Variants in DCC observed in about 807,000 individuals in gnomAD.
DCC encodes the protein netrin receptor DCC.
A neutral mutation model predicts 172.5 loss-of-function variants in DCC; 58 were observed. The observed-to-expected ratio is 0.34, with a 90% CI of 0.27 to 0.42. DCC has a LOEUF of 0.42. DCC is among the 10% of genes least tolerant of loss of function. The pLI is 1.00. For synonymous variants in DCC, 709 were observed against 644.5 expected, an observed-to-expected ratio of 1.10 and a Z score of -1.52; for missense variants, 1,740 against 1,791.0, an observed-to-expected ratio of 0.97 and a Z score of 0.51.
intron 5 of DCC, among the ~76,000 whole-genome samples, chr18:52,993,986 T>C (rs1406605039): frequency 6.6e-6 from 1 of 152,090 alleles, no homozygotes; most frequent in Non-Finnish European, 1.5e-5. Flanking sequence ...GACCTTCTTA[T>C]AGGTATAGCT....
chr18:52,502,139 A>G (rs888138948), intron 1 of DCC, among the ~76,000 whole-genome samples: 1 of 152,178 alleles, frequency 6.6e-6, no homozygotes, highest in African/African-American at 2.4e-5. Flanking sequence ...TGTACTTCAT[A>G]TTGTATATAA....
chr18:52,612,031 G>A (rs1232320856), intron 1 of DCC, among the ~76,000 whole-genome samples: 1 of 152,110 alleles, frequency 6.6e-6, no homozygotes, highest in Non-Finnish European at 1.5e-5. Context: ...ATTTTATTGG[G>A]AGTTGAGGCA....
chr18:52,478,827 C>T lies in DCC; in HGVS notation c.91+137949C>T, dbSNP rs375180457. On this transcript the variant is annotated intron_variant, in intron 1 of 28. Coordinates refer to ENST00000442544, the MANE Select transcript of DCC (RefSeq NM_005215.4). The stretch of plus-strand genomic sequence containing the variant: ...AAAGCACTCATGAGAAATCCACCCC[C>T]ATGATCCAGTAACTTCACACCAGGC... Among the ~76,000 whole-genome samples the T allele has an allele frequency of 9.3e-4, 141 of 152,280 alleles. 3 individuals carry two copies. In the South Asian group the frequency reaches 0.023, roughly 25 times the overall value.
intron 5 of DCC, among the ~76,000 whole-genome samples, chr18:53,050,804 G>A (rs1307242567): frequency 6.6e-6 from 1 of 152,010 alleles, no homozygotes. Flanking sequence ...AGGACCTCCA[G>A]TACTATGTTG....
At chr18:52,569,079 A>G (rs2033232361) in intron 1 of DCC, among the ~76,000 whole-genome samples, 1 of 152,192 alleles carries the variant, frequency 6.6e-6, no homozygotes, top group Non-Finnish European at 1.5e-5. Flanking sequence ...AATCATTGAT[A>G]AGTCTGTGTA....
At chr18:52,833,598 C>A (rs2038654080) in intron 2 of DCC, among the ~76,000 whole-genome samples, 1 of 152,104 alleles carries the variant, frequency 6.6e-6, no homozygotes. Context: ...CCAAACAATG[C>A]TAAGGTTTCT....
intron 1 of DCC, among the ~76,000 whole-genome samples, chr18:52,508,960 C>T (rs1414359832): frequency 1.3e-5 from 2 of 152,188 alleles, no homozygotes; most frequent in South Asian, 2.1e-4. Context: ...ATGCGACTGG[C>T]GTCACTGACT....
At chr18:52,858,663 G>A (rs1022027717) in intron 2 of DCC, among the ~76,000 whole-genome samples, 1 of 152,174 alleles carries the variant, frequency 6.6e-6, no homozygotes, top group Non-Finnish European at 1.5e-5. Context: ...AAATAGCCAT[G>A]TGGAAAACCA....
intron 7 of DCC, among the ~76,000 whole-genome samples, chr18:53,111,704 T>A (rs1476537152): frequency 6.6e-6 from 1 of 151,700 alleles, no homozygotes; most frequent in Non-Finnish European, 1.5e-5. Flanking sequence ...ATGGGATACA[T>A]ATATGTCCAT....
At chr18:52,495,967 T>C (rs563214898) in intron 1 of DCC, among the ~76,000 whole-genome samples, 221 of 152,232 alleles carry the variant, frequency 1.5e-3, no homozygotes, top group Middle Eastern at 6.8e-3. Flanking sequence ...TCTATGTTTA[T>C]AAGGAGGATT....
chr18:53,023,611 TCGC>T (rs1192185030), intron 5 of DCC, among the ~76,000 whole-genome samples: 1 of 152,036 alleles, frequency 6.6e-6, no homozygotes, highest in Non-Finnish European at 1.5e-5. Context: ...CTGGACCCTG[TCGC>T]CAGGCAAAAC....
At chr18:53,238,192 G>A (rs989312149) in intron 12 of DCC, among the ~76,000 whole-genome samples, 2 of 152,002 alleles carry the variant, frequency 1.3e-5, no homozygotes, top group Admixed American at 1.3e-4. Flanking sequence ...TTACATTTTG[G>A]AGAATTGCAC....
At chr18:52,522,550 C>A (rs1054685262) in intron 1 of DCC, among the ~76,000 whole-genome samples, 1 of 152,108 alleles carries the variant, frequency 6.6e-6, no homozygotes, top group Non-Finnish European at 1.5e-5. Flanking sequence ...CTGCATATTG[C>A]GTTATTTACT....
chr18:52,866,367 C>T (rs1172920391), intron 2 of DCC, among the ~76,000 whole-genome samples: 1 of 152,080 alleles, frequency 6.6e-6, no homozygotes, highest in Non-Finnish European at 1.5e-5. Flanking sequence ...ATTGTCTTGG[C>T]TAAAGGGGTT....
At chr18:53,315,550 A>G (rs1046108536) in intron 13 of DCC, among the ~76,000 whole-genome samples, 45 of 152,140 alleles carry the variant, frequency 3.0e-4, no homozygotes, top group African/African-American at 1.1e-3. Context: ...TGTCTTCCAC[A>G]ATGGTTGAAC....
intron 21 of DCC, among the ~76,000 whole-genome samples, chr18:53,425,357 CTTTTTTTTTT>C (rs747096336): frequency 9.8e-6 from 1 of 101,632 alleles, no homozygotes. Context: ...TTTCTCCTCT[CTTTTTTTTTT>C]TTTTTTTTTT....
chr18:52,397,234 TG>T (rs1986265267), intron 1 of DCC, among the ~76,000 whole-genome samples: 1 of 152,066 alleles, frequency 6.6e-6, no homozygotes, highest in Admixed American at 6.6e-5. Flanking sequence ...TTTAATATTC[TG>T]GGGAAGAGCT....
intron 1 of DCC, among the ~76,000 whole-genome samples, chr18:52,644,791 G>A (rs1288900683): frequency 2.2e-5 from 2 of 91,716 alleles, no homozygotes; most frequent in Admixed American, 1.4e-4. Context: ...AAGGAAAGAA[G>A]GAAAGAAGGA....
chr18:52,399,205 T>C (rs74616915), intron 1 of DCC, among the ~76,000 whole-genome samples: 5,300 of 151,962 alleles, frequency 0.035, 163 homozygotes, highest in African/African-American at 0.078. Context: ...TAGTGTTTTT[T>C]TGTTTCTTTT....
Sources: allele counts gnomAD v4.1 joint callset (sites outside exome capture counted in the v4.1 genomes callset), GRCh38; gene constraint gnomAD v4.1.1; transcripts MANE v1.5; gene names NCBI Gene and HGNC (gene_info 2026-07-23, HGNC 2026-07-21).